SYT1: variants seen among roughly 807,000 people sequenced by gnomAD.
The protein encoded by SYT1 is synaptotagmin-1.
SYT1 carries 8 observed loss-of-function variants against 44.8 expected under a neutral mutation model. The observed-to-expected ratio is 0.18, with a 90% CI of 0.10 to 0.32. The LOEUF is 0.32. SYT1 is among the 10% of genes least tolerant of loss of function. The pLI is 1.00. For missense variants in SYT1, 286 were observed against 509.3 expected, an observed-to-expected ratio of 0.56 and a Z score of 4.22; for synonymous variants, 154 against 188.8, an observed-to-expected ratio of 0.82 and a Z score of 1.51.
intron 2 of SYT1, among the ~76,000 whole-genome samples, chr12:78,987,486 A>AT (rs898833921): frequency 4.6e-5 from 7 of 151,930 alleles, no homozygotes; most frequent in Non-Finnish European, 7.4e-5. Context: ...CAAAAAGACT[A>AT]TTTTTTTACT....
At chr12:79,400,358 A>G (rs866707026) in intron 9 of SYT1, among the ~76,000 whole-genome samples, 10 of 152,298 alleles carry the variant, frequency 6.6e-5, no homozygotes, top group Middle Eastern at 3.4e-3. Context: ...CACCATACCC[A>G]GTATTCAGGA....
intron 9 of SYT1, among the ~76,000 whole-genome samples, chr12:79,369,591 G>A (rs955981314): frequency 6.6e-6 from 1 of 152,168 alleles, no homozygotes; most frequent in Non-Finnish European, 1.5e-5. Flanking sequence ...TCTACAATAG[G>A]ATTCAATACA....
intron 3 of SYT1, among the ~76,000 whole-genome samples, chr12:79,213,102 C>T (rs1023899050): frequency 2.0e-5 from 3 of 152,044 alleles, no homozygotes; most frequent in African/African-American, 7.2e-5. Context: ...GATTGTGAAA[C>T]TAATGTACAC....
At chr12:79,078,500 TA>T (rs1294450589) in intron 3 of SYT1, among the ~76,000 whole-genome samples, 3 of 152,180 alleles carry the variant, frequency 2.0e-5, no homozygotes, top group African/African-American at 4.8e-5. Flanking sequence ...TATTTTCCAT[TA>T]TTTTTTTTCT....
At chr12:79,062,449 A>G (rs903090657) in intron 3 of SYT1, among the ~76,000 whole-genome samples, 3 of 152,176 alleles carry the variant, frequency 2.0e-5, no homozygotes, top group African/African-American at 4.8e-5. Context: ...GCCCTGAGCC[A>G]TGGGGTGGTG....
chr12:79,002,884 T>C (rs567038539), intron 2 of SYT1, among the ~76,000 whole-genome samples: 1 of 152,146 alleles, frequency 6.6e-6, no homozygotes, highest in Admixed American at 6.6e-5. Context: ...AGTATGTCGT[T>C]TCCTTTTAAA....
At chr12:79,425,900 A>G (rs551148080) in intron 9 of SYT1, among the ~76,000 whole-genome samples, 1 of 152,182 alleles carries the variant, frequency 6.6e-6, no homozygotes, top group Non-Finnish European at 1.5e-5. Context: ...GGCATGAAGG[A>G]CACAGAGAGC....
intron 8 of SYT1, among the ~76,000 whole-genome samples, chr12:79,317,862 A>G (rs1299874712): frequency 6.6e-6 from 1 of 152,164 alleles, no homozygotes; most frequent in Admixed American, 6.5e-5. Context: ...CGGGAGCTTA[A>G]GGGTAATTTG....
chr12:79,018,279 G>T (rs1871944249), intron 2 of SYT1, among the ~76,000 whole-genome samples: 1 of 149,364 alleles, frequency 6.7e-6, no homozygotes, highest in Non-Finnish European at 1.5e-5. Context: ...TCACTCATAG[G>T]TGGGAATTGA....
rs143398309 is a variant in SYT1 at position 79,020,842 on chromosome 12, C to G, written c.-83-26455C>G. ...CTAGACCATTGCTAAGCAAGGCTAC[C>G]TAATGGGTGGTAAAGTAAAAACACA... On this transcript the variant is annotated intron_variant, in intron 2 of 10. Transcript: ENST00000261205. 2.7e-4 allele frequency among the ~76,000 whole-genome samples: 41 copies of G among 151,984 alleles called. No individual in the cohort carries two copies. The East Asian group carries it at 7.8e-3, about 29-fold the overall frequency.
At chr12:79,228,786 C>A (rs756236882) in intron 4 of SYT1, among the ~76,000 whole-genome samples, 1 of 152,164 alleles carries the variant, frequency 6.6e-6, no homozygotes, top group Non-Finnish European at 1.5e-5. Flanking sequence ...TCAAAACCAG[C>A]CAGCACTTCA....
intron 1 of SYT1, among the ~76,000 whole-genome samples, chr12:78,933,325 G>C (rs967666958): frequency 2.0e-5 from 3 of 152,120 alleles, no homozygotes; most frequent in Non-Finnish European, 4.4e-5. Context: ...ACTCTTACCA[G>C]AGGAAGGAAG....
At chr12:78,909,740 A>G (rs1876207860) in intron 1 of SYT1, among the ~76,000 whole-genome samples, 1 of 151,946 alleles carries the variant, frequency 6.6e-6, no homozygotes, top group Admixed American at 6.6e-5. Context: ...CCATCACCAA[A>G]CTAGTACTTT....
chr12:79,062,027 G>A (rs949550892), intron 3 of SYT1, among the ~76,000 whole-genome samples: 1 of 152,094 alleles, frequency 6.6e-6, no homozygotes, highest in African/African-American at 2.4e-5. Flanking sequence ...TTATTTTAAT[G>A]TTCTTGCATT....
intron 2 of SYT1, among the ~76,000 whole-genome samples, chr12:79,009,426 G>C (rs1047915380): frequency 6.6e-6 from 1 of 152,074 alleles, no homozygotes; most frequent in Non-Finnish European, 1.5e-5. Context: ...ATAATCTTTG[G>C]TTGTCTGCAT....
chr12:79,255,588 A>G (rs1398118756), intron 4 of SYT1, among the ~76,000 whole-genome samples: 1 of 152,192 alleles, frequency 6.6e-6, no homozygotes, highest in East Asian at 1.9e-4. Context: ...AAAGGAACCT[A>G]CTATTCTTGA....
chr12:78,989,175 T>G (rs1438027648), intron 2 of SYT1, among the ~76,000 whole-genome samples: 2 of 151,986 alleles, frequency 1.3e-5, no homozygotes, highest in Admixed American at 1.3e-4. Context: ...TTTTATATGT[T>G]AGGTTTGAGG....
Position 79,296,056 on chromosome 12 carries a change from T to C in SYT1, c.475-13T>C. On this transcript the variant is annotated splice_polypyrimidine_tract_variant and intron_variant, in intron 6 of 10. Coordinates refer to ENST00000261205, the MANE Select transcript of SYT1 (RefSeq NM_005639.3). ...TGATATTTATGTATGCTGTATTCTG[T>C]CATTTATTTCAGCTGCTGGTAGGGA... is the stretch of plus-strand genomic sequence containing the variant. 2.5e-6 allele frequency: 4 copies of C among 1,604,546 alleles called. No individual in the cohort carries two copies. Among genetic ancestry groups the C allele is most frequent in the Non-Finnish European group, 3.4e-6 (4 of 1,176,574 alleles).
chr12:79,153,969 A>G (rs939803097), intron 3 of SYT1, among the ~76,000 whole-genome samples: 28 of 152,282 alleles, frequency 1.8e-4, no homozygotes, highest in African/African-American at 6.5e-4. Context: ...TTAAAGAACT[A>G]TGAAAACCAA....
Sources: gnomAD v4.1 joint callset for allele counts (sites outside exome capture counted in the v4.1 genomes callset) on GRCh38, gnomAD v4.1.1 for gene constraint, MANE v1.5 for transcripts, NCBI Gene and HGNC (gene_info 2026-07-23, HGNC 2026-07-21) for gene names.